MTHFD1: variants seen among roughly 807,000 people sequenced by gnomAD.
MTHFD1 encodes C-1-tetrahydrofolate synthase, cytoplasmic.
A neutral mutation model predicts 110.3 loss-of-function variants in MTHFD1; 44 were observed. That is an observed-to-expected ratio of 0.40 (90% CI 0.31 to 0.51). MTHFD1 has a LOEUF of 0.51. Among genes scored for constraint, MTHFD1 ranks in the 20% least tolerant of loss-of-function variants. The pLI is 0.60. For missense variants in MTHFD1, 909 were observed against 1,173.1 expected (o/e 0.77, Z 3.29); for synonymous variants, 402 against 428.8 (o/e 0.94, Z 0.77).
chr14:64,457,814 G>A (rs1238035904), intron 26 of MTHFD1, among the ~76,000 whole-genome samples: 1 of 152,128 alleles, frequency 6.6e-6, no homozygotes, highest in Non-Finnish European at 1.5e-5. Context: ...TATGTAACAA[G>A]AGTACCCACT....
At chr14:64,457,151 G>A (rs2078487586) in intron 26 of MTHFD1, among the ~76,000 whole-genome samples, 1 of 152,204 alleles carries the variant, frequency 6.6e-6, no homozygotes, top group Non-Finnish European at 1.5e-5. Flanking sequence ...GTACAAAAGT[G>A]TCTTGGCCCA....
At chr14:64,393,019 C>A (rs56029832) in intron 1 of MTHFD1, among the ~76,000 whole-genome samples, 31 of 152,084 alleles carry the variant, frequency 2.0e-4, no homozygotes, top group Admixed American at 5.9e-4. Flanking sequence ...TAGTGAAGGG[C>A]AGGTCTTCTT....
intron 2 of MTHFD1, among the ~76,000 whole-genome samples, chr14:64,406,472 G>A (rs1002532805): frequency 6.6e-6 from 1 of 150,590 alleles, no homozygotes; most frequent in African/African-American, 2.4e-5. Context: ...TCTGATTTTG[G>A]AGCATTTTTT....
At position 64,431,792 on chromosome 14, in the gene MTHFD1, C is replaced by T; in HGVS notation, c.1425C>T (p.Leu475=). 2 of 1,614,160 alleles carry T rather than the reference C, an allele frequency of 1.2e-6. No individual in the cohort carries two copies. ...GCCCCTTTCTTTTCTTTAAGGCTCTCTTTAATCGTTTGGTGCCATCAGTAA... is the reference window on the plus strand; with the variant it reads ...GCCCCTTTCTTTTCTTTAAGGCTCTTTTTAATCGTTTGGTGCCATCAGTAA... ...FHELTQTDKA[L]FNRLVPSVNG... The change falls in exon 15 of 28, where the codon CTC becomes CTT. Residue 475 remains leucine (L), a synonymous_variant. Coordinates refer to ENST00000652337, the MANE Select transcript of MTHFD1 (RefSeq NM_005956.4).
Position 64,419,677 on chromosome 14 carries a change from A to AACC in MTHFD1, c.616-136_616-134dup. The AACC allele has an allele frequency of 4.2e-6, 3 of 715,266 alleles. No homozygotes were observed. The South Asian group carries it at 4.6e-5, about 11-fold the overall frequency. The allele number at this position is 715,266 out of a possible 1,614,324, so 44.3% of individuals were successfully genotyped here. A position where few individuals can be genotyped will look rare whatever the true frequency, so the allele number is the denominator to read the frequency against. On this transcript the variant is annotated intron_variant, in intron 7 of 27. Transcript: ENST00000652337. ...GTGTGTGGCTTACATTTGAGGCCTT[A>AACC]ACCCAATATCTTATGAAATAGCTTA...
intron 19 of MTHFD1, 153 bp from the exon 20 acceptor site, chr14:64,441,901 T>C: frequency 1.4e-6 from 1 of 697,788 alleles, no homozygotes; most frequent in Non-Finnish European, 2.6e-6. Flanking sequence ...CACCTGTGAC[T>C]GGGACGTTAC....
intron 2 of MTHFD1, among the ~76,000 whole-genome samples, chr14:64,401,700 CA>C (rs34004524): frequency 1.4e-4 from 19 of 138,710 alleles, no homozygotes; most frequent in East Asian, 2.1e-4. Flanking sequence ...GATTCCGTCT[CA>C]AAAAAAAAAA....
chr14:64,390,515 C>A (rs1468820887), intron 1 of MTHFD1: 1 of 151,808 alleles, frequency 6.6e-6, no homozygotes, highest in South Asian at 2.1e-4. Flanking sequence ...GATGGAGTTT[C>A]ACTCGTCGCC....
At chr14:64,426,442 C>T (rs1596544702) in intron 11 of MTHFD1, among the ~76,000 whole-genome samples, 1 of 152,162 alleles carries the variant, frequency 6.6e-6, no homozygotes, top group South Asian at 2.1e-4. Flanking sequence ...AAAACCCGGT[C>T]TTAAGATAGA....
intron 22 of MTHFD1, among the ~76,000 whole-genome samples, chr14:64,445,700 G>A (rs889784944): frequency 4.6e-5 from 7 of 152,130 alleles, no homozygotes; most frequent in East Asian, 1.9e-4. Flanking sequence ...TCTGATTCAC[G>A]CGTAGGAGGG....
chr14:64,433,228 TCTC>T (rs1335010074), intron 15 of MTHFD1, among the ~76,000 whole-genome samples: 5 of 152,118 alleles, frequency 3.3e-5, no homozygotes, highest in African/African-American at 1.2e-4. Context: ...TTCAAGCAGT[TCTC>T]CTGCCTCAGC....
intron 1 of MTHFD1, among the ~76,000 whole-genome samples, chr14:64,394,475 A>G (rs1450716663): frequency 1.3e-5 from 2 of 151,964 alleles, no homozygotes; most frequent in East Asian, 1.9e-4. Context: ...TCAAAAAGTC[A>G]TTTTTGAAGT....
In MTHFD1 at chr14:64,417,567, G is replaced by A. The variant is rs969017976; in HGVS notation, c.479-321G>A. On this transcript the variant is annotated intron_variant, in intron 6 of 27. Coordinates refer to ENST00000652337, the MANE Select transcript of MTHFD1 (RefSeq NM_005956.4). This position sits in a 1 kb window ranked among gnomAD's most constrained non-coding sequence, Gnocchi z 4.4. Reference sequence around the variant, plus strand: ...GTAATTTAATCTGATGTCTTCTTCCGTATGGCTGATTAGCTGTATGTCAGG... The same window carrying A: ...GTAATTTAATCTGATGTCTTCTTCCATATGGCTGATTAGCTGTATGTCAGG... 1.1e-4 allele frequency among the ~76,000 whole-genome samples: 17 copies of A among 151,892 alleles called. No homozygotes were observed. Among genetic ancestry groups the A allele is most frequent in the Admixed American group, 2.6e-4 (4 of 15,236 alleles).
chr14:64,417,982 A>G lies in MTHFD1; in HGVS notation c.573A>G (p.Thr191=), dbSNP rs749390488. ...ACTTGCTTCTGTGGAACAATGCCAC[A>G]GTGACCACCTGCCACTCCAAGACTG... is the stretch of plus-strand genomic sequence containing the variant. The part of the protein sequence containing the change: ...MHDLLLWNNA[T]VTTCHSKTAH... Residue 191 remains threonine, a synonymous_variant, in exon 7 of 28, where the codon ACA becomes ACG. Transcript: ENST00000652337. The surrounding 1 kb of genome is among the most constrained non-coding windows in gnomAD (Gnocchi z 4.4). 5.6e-6 allele frequency: 9 copies of G among 1,613,978 alleles called. No individual in the cohort carries two copies. The highest frequency in any genetic ancestry group is 1.3e-5 in the African/African-American group (1 of 74,882).
rs548461985 is a variant in MTHFD1, at chr14:64,403,487, C to T, written c.126+2610C>T. 7.2e-5 allele frequency among the ~76,000 whole-genome samples: 11 copies of T among 152,208 alleles called. No individual in the cohort carries two copies. In the South Asian group the frequency reaches 1.2e-3, roughly 17 times the overall value. On this transcript the variant is annotated intron_variant, in intron 2 of 27. Transcript: ENST00000652337. Reference sequence around the variant, plus strand: ...TTCACCATTTTGGCCAGGCTGGTCTCGAACTCTTGACCTCAGGTGATCCAC... The same window carrying T: ...TTCACCATTTTGGCCAGGCTGGTCTTGAACTCTTGACCTCAGGTGATCCAC...
At chr14:64,449,737 A>G in intron 24 of MTHFD1, 115 bp downstream of exon 24, 1 of 1,244,478 alleles carries the variant, frequency 8.0e-7, no homozygotes, top group South Asian at 1.3e-5. Flanking sequence ...TTGCGGTTTG[A>G]TTCCCACGTA....
At chr14:64,401,970 A>C (rs1596532907) in intron 2 of MTHFD1, among the ~76,000 whole-genome samples, 1 of 152,094 alleles carries the variant, frequency 6.6e-6, no homozygotes. Flanking sequence ...ATATGGAGAA[A>C]ATTTGGCTTC....
chr14:64,435,223 TTACAGGCTCAGC>T (rs2140970942), intron 15 of MTHFD1, among the ~76,000 whole-genome samples: 1 of 152,136 alleles, frequency 6.6e-6, no homozygotes, highest in African/African-American at 2.4e-5. Context: ...AGTGCTGGGA[TTACAGGCTCAGC>T]CACAGGCTGA....
At chr14:64,438,806 G>T (rs1199187658) in intron 16 of MTHFD1, among the ~76,000 whole-genome samples, 1 of 152,098 alleles carries the variant, frequency 6.6e-6, no homozygotes, top group Non-Finnish European at 1.5e-5. Flanking sequence ...TTTCTTATAT[G>T]TGGAATATGC....
Sources: gnomAD v4.1 joint callset for allele counts (sites outside exome capture counted in the v4.1 genomes callset) on GRCh38, gnomAD v4.1.1 for gene constraint, Gnocchi (gnomAD v3.1) non-coding constraint, MANE v1.5 for transcripts, NCBI Gene and HGNC (gene_info 2026-07-23, HGNC 2026-07-21) for gene names.